The following FOXN3 variants were observed in gnomAD, a reference collection of about 807,000 sequenced individuals.
FOXN3 encodes forkhead box protein N3.
In FOXN3, 7 loss-of-function variants were observed where a neutral mutation model predicts 38.4. The ratio of observed to expected loss-of-function variants is 0.18; its 90% CI spans 0.10 to 0.34. The LOEUF is 0.34. FOXN3 is among the 10% of genes least tolerant of loss of function. The probability of loss-of-function intolerance (pLI) is 1.00; values close to 1 mark genes in which losing one functional copy is unlikely to be tolerated. For missense variants in FOXN3, 456 were observed against 613.4 expected, an observed-to-expected ratio of 0.74 and a Z score of 2.71; for synonymous variants, 230 against 242.2, an observed-to-expected ratio of 0.95 and a Z score of 0.47.
In FOXN3 at chr14:89,269,795, A is replaced by G. The variant is rs1264649895; in HGVS notation, c.745+11155T>C. ...TTCCTTTGAGATGCCATGAACCCCG[A>G]CTATGCTTGTGCAGAATGAACCTGT... On this transcript the variant is annotated intron_variant, in intron 4 of 5. Coordinates refer to ENST00000557258, the MANE Select transcript of FOXN3 (RefSeq NM_005197.4). Among the ~76,000 whole-genome samples, 5 of 152,012 alleles carry G rather than the reference A, an allele frequency of 3.3e-5. No homozygotes were observed. In the East Asian group the frequency reaches 7.8e-4, roughly 24 times the overall value.
At chr14:89,413,145 A>G (rs1184134066) in intron 1 of FOXN3, among the ~76,000 whole-genome samples, 1 of 152,204 alleles carries the variant, frequency 6.6e-6, no homozygotes, top group Non-Finnish European at 1.5e-5. Context: ...TGGTACGTTT[A>G]CAAACAGAAT....
intron 4 of FOXN3, among the ~76,000 whole-genome samples, chr14:89,187,573 C>T (rs747882471): frequency 2.6e-5 from 4 of 152,244 alleles, no homozygotes; most frequent in Admixed American, 6.5e-5. Flanking sequence ...CAGGGGATGA[C>T]TGCCTAATCA....
intron 4 of FOXN3, among the ~76,000 whole-genome samples, chr14:89,278,652 C>G (rs1451420799): frequency 6.6e-6 from 1 of 152,166 alleles, no homozygotes; most frequent in Non-Finnish European, 1.5e-5. Context: ...GAATTGCCAT[C>G]TTTGGGGACA....
intron 3 of FOXN3, among the ~76,000 whole-genome samples, chr14:89,311,001 G>T (rs2139958939): frequency 6.6e-6 from 1 of 151,726 alleles, no homozygotes; most frequent in Admixed American, 6.6e-5. Flanking sequence ...AGCTACTCAG[G>T]AGGCTGAGGC....
At chr14:89,369,641 T>TA (rs1264846875) in intron 2 of FOXN3, among the ~76,000 whole-genome samples, 1 of 152,094 alleles carries the variant, frequency 6.6e-6, no homozygotes, top group Non-Finnish European at 1.5e-5. Flanking sequence ...AGGCATGTCT[T>TA]ACATGGCAGA....
At chr14:89,194,597 A>T (rs1888048211) in intron 4 of FOXN3, among the ~76,000 whole-genome samples, 1 of 152,112 alleles carries the variant, frequency 6.6e-6, no homozygotes. Flanking sequence ...CAGAGCCAAC[A>T]GCCTCCTGTC....
chr14:89,186,733 T>A (rs117546230), intron 4 of FOXN3, among the ~76,000 whole-genome samples: 1 of 152,208 alleles, frequency 6.6e-6, no homozygotes, highest in Non-Finnish European at 1.5e-5. Flanking sequence ...TAATGTCACA[T>A]GCACAGCGGA....
intron 1 of FOXN3, among the ~76,000 whole-genome samples, chr14:89,573,113 TC>T (rs1266837572): frequency 1.3e-5 from 2 of 152,000 alleles, no homozygotes; most frequent in Non-Finnish European, 2.9e-5. Flanking sequence ...CTTCTGAGTG[TC>T]CCCGAGATGC....
chr14:89,498,041 T>G (rs1893721437), intron 1 of FOXN3, among the ~76,000 whole-genome samples: 6 of 152,170 alleles, frequency 3.9e-5, no homozygotes, highest in Admixed American at 3.9e-4. Context: ...TCCTACTGGC[T>G]ATTTGTATAT....
chr14:89,511,237 C>CT (rs1419720103), intron 1 of FOXN3, among the ~76,000 whole-genome samples: 1 of 25,718 alleles, frequency 3.9e-5, no homozygotes, highest in African/African-American at 1.2e-4. Context: ...CTTTTCTTTC[C>CT]TTTTCTTTCT....
intron 4 of FOXN3, among the ~76,000 whole-genome samples, chr14:89,270,798 G>C (rs764228111): frequency 6.6e-6 from 1 of 152,158 alleles, no homozygotes; most frequent in Non-Finnish European, 1.5e-5. Context: ...AAGAGGGTTA[G>C]AAAACTTCTC....
intron 3 of FOXN3, among the ~76,000 whole-genome samples, chr14:89,328,384 C>T (rs756271119): frequency 1.4e-5 from 2 of 140,224 alleles, no homozygotes; most frequent in Non-Finnish European, 3.1e-5. Flanking sequence ...CACCAGCAGC[C>T]CTGGATGAAT....
intron 3 of FOXN3, among the ~76,000 whole-genome samples, chr14:89,333,970 AT>A: frequency 3.8e-4 from 1 of 2,608 alleles, no homozygotes; most frequent in Middle Eastern, 0.5. Context: ...TGGTGTGTAT[AT>A]ATATATATAT....
At chr14:89,374,930 T>C (rs1003482499) in intron 2 of FOXN3, among the ~76,000 whole-genome samples, 1 of 143,670 alleles carries the variant, frequency 7.0e-6, no homozygotes, top group African/African-American at 2.6e-5. Context: ...GGAGCTGAGA[T>C]CACACCATTG....
chr14:89,266,301 C>T (rs1288265532), intron 4 of FOXN3, among the ~76,000 whole-genome samples: 1 of 152,190 alleles, frequency 6.6e-6, no homozygotes, highest in Admixed American at 6.5e-5. Flanking sequence ...TGTGTCCTCA[C>T]GTGGCCTTTC....
At chr14:89,335,483 G>A (rs945139624) in intron 3 of FOXN3, among the ~76,000 whole-genome samples, 1 of 152,184 alleles carries the variant, frequency 6.6e-6, no homozygotes, top group African/African-American at 2.4e-5. Flanking sequence ...TCTAAGTCTT[G>A]CCTCAGCAAA....
chr14:89,575,441 G>A (rs374307451), intron 1 of FOXN3, among the ~76,000 whole-genome samples: 21 of 152,192 alleles, frequency 1.4e-4, no homozygotes, highest in African/African-American at 4.1e-4. Flanking sequence ...CTCAAGCGAC[G>A]GGGGCTGGAC....
intron 1 of FOXN3, among the ~76,000 whole-genome samples, chr14:89,511,766 G>T (rs189370097): frequency 5.3e-5 from 8 of 152,122 alleles, no homozygotes; most frequent in African/African-American, 1.9e-4. Flanking sequence ...ATTGACTCAC[G>T]GTTCTGCAGG....
rs1894922459 is a variant in FOXN3, at chr14:89,548,172, T to TA, written c.-15+70855dup. On this transcript the variant is annotated intron_variant, in intron 1 of 6. Transcript: ENST00000345097. The surrounding 1 kb of genome is among the most constrained non-coding windows in gnomAD (Gnocchi z 4.8). ...TGGGACAAGAAACACCCCATTCACT[T>TA]AGAGTAAAAATTACCTTTCACTTGC... Among the ~76,000 whole-genome samples the TA allele has an allele frequency of 6.6e-6, 1 of 152,198 alleles. No individual in the cohort carries two copies. Among genetic ancestry groups the TA allele is most frequent in the Non-Finnish European group, 1.5e-5 (1 of 68,032 alleles).
Sources: gnomAD v4.1 joint callset for allele counts (sites outside exome capture counted in the v4.1 genomes callset) on GRCh38, gnomAD v4.1.1 for gene constraint, Gnocchi (gnomAD v3.1) non-coding constraint, MANE v1.5 for transcripts, NCBI Gene and HGNC (gene_info 2026-07-23, HGNC 2026-07-21) for gene names.